The following RALGAPA1 variants were observed in gnomAD, a reference collection of about 807,000 sequenced individuals.
RALGAPA1 encodes the protein ral GTPase-activating protein subunit alpha-1.
RALGAPA1 carries 52 observed loss-of-function variants against 269.6 expected under a neutral mutation model. That is an observed-to-expected ratio of 0.19 (90% CI 0.15 to 0.24). RALGAPA1 has a LOEUF of 0.24. Ranked by LOEUF, RALGAPA1 falls within the 10% of genes least tolerant of loss-of-function variation. The pLI is 1.00. For synonymous variants in RALGAPA1, 817 were observed against 1,008.3 expected (o/e 0.81, Z 3.60); for missense variants, 1,917 against 3,013.9 (o/e 0.64, Z 8.52).
chr14:35,793,398 C>T (rs1035657599), intron 1 of RALGAPA1, among the ~76,000 whole-genome samples: 4 of 151,916 alleles, frequency 2.6e-5, no homozygotes, highest in African/African-American at 2.4e-5. Flanking sequence ...CCACCATGCC[C>T]GACTAATTTT....
intron 33 of RALGAPA1, among the ~76,000 whole-genome samples, chr14:35,633,546 GT>G (rs2061488239): frequency 6.6e-6 from 1 of 151,940 alleles, no homozygotes; most frequent in Admixed American, 6.6e-5. Context: ...AATACTTTTG[GT>G]TTTGTGAGCC....
chr14:35,787,590 C>G (rs532203911), intron 1 of RALGAPA1, among the ~76,000 whole-genome samples: 36 of 152,112 alleles, frequency 2.4e-4, no homozygotes, highest in African/African-American at 8.7e-4. Context: ...CCTTTGTTTT[C>G]TAACACATAG....
intron 21 of RALGAPA1, among the ~76,000 whole-genome samples, chr14:35,679,002 A>C (rs1241970013): frequency 2.0e-5 from 3 of 152,196 alleles, no homozygotes; most frequent in Non-Finnish European, 4.4e-5. Flanking sequence ...AATTTTAAAT[A>C]TTCCCCAGCA....
At chr14:35,576,707 T>C (rs1443585147) in intron 37 of RALGAPA1, among the ~76,000 whole-genome samples, 1 of 152,200 alleles carries the variant, frequency 6.6e-6, no homozygotes, top group Non-Finnish European at 1.5e-5. Context: ...GAAGTAGTAA[T>C]AATTATTATT....
At chr14:35,720,244 C>T (rs1216881627) in intron 16 of RALGAPA1, among the ~76,000 whole-genome samples, 2 of 152,210 alleles carry the variant, frequency 1.3e-5, no homozygotes, top group Admixed American at 6.5e-5. Flanking sequence ...TTGGAATATA[C>T]AATTAATGTA....
chr14:35,709,361 C>T (rs558740241), intron 16 of RALGAPA1, among the ~76,000 whole-genome samples: 3 of 151,972 alleles, frequency 2.0e-5, no homozygotes, highest in African/African-American at 7.2e-5. Context: ...CTACTATATA[C>T]CCACAAAAAT....
intron 37 of RALGAPA1, among the ~76,000 whole-genome samples, chr14:35,582,387 A>G (rs1243923644): frequency 6.6e-6 from 1 of 152,264 alleles, no homozygotes; most frequent in Non-Finnish European, 1.5e-5. Flanking sequence ...AACAACAAAT[A>G]AAATGCCGAA....
At chr14:35,698,715 CAACA>C (rs1207264591) in intron 17 of RALGAPA1, among the ~76,000 whole-genome samples, 1 of 152,060 alleles carries the variant, frequency 6.6e-6, no homozygotes, top group East Asian at 1.9e-4. Flanking sequence ...GAGAAGTTTA[CAACA>C]AACTCAGAGT....
intron 33 of RALGAPA1, among the ~76,000 whole-genome samples, chr14:35,634,171 G>A (rs1194553776): frequency 1.3e-5 from 2 of 152,014 alleles, no homozygotes; most frequent in Non-Finnish European, 2.9e-5. Context: ...TCCCTAATCT[G>A]AAAATCTGAA....
intron 26 of RALGAPA1, 51 bp from the exon 27 acceptor site, chr14:35,664,818 TATC>T: frequency 6.4e-7 from 1 of 1,564,816 alleles, no homozygotes; most frequent in Non-Finnish European, 8.7e-7. Flanking sequence ...GTTATGAAAT[TATC>T]AGAAAAGTTG....
At chr14:35,686,788 G>A in intron 18 of RALGAPA1, 122 bp from the exon 19 acceptor site, 3 of 484,684 alleles carry the variant, frequency 6.2e-6, no homozygotes, top group Non-Finnish European at 1.1e-5. Context: ...ATGCATTTAT[G>A]AATAATTTCC....
intron 1 of RALGAPA1, among the ~76,000 whole-genome samples, chr14:35,797,471 C>A (rs187656454): frequency 2.0e-5 from 3 of 151,634 alleles, no homozygotes; most frequent in Non-Finnish European, 4.4e-5. Context: ...TATAAACATA[C>A]AGCTAGTTAG....
intron 39 of RALGAPA1, among the ~76,000 whole-genome samples, chr14:35,557,935 A>C (rs952065063): frequency 5.3e-5 from 8 of 152,158 alleles, no homozygotes; most frequent in African/African-American, 1.9e-4. Flanking sequence ...AGAATCATCT[A>C]TGGGGTCAGA....
intron 15 of RALGAPA1, among the ~76,000 whole-genome samples, chr14:35,722,135 A>AG (rs1400867624): frequency 6.6e-6 from 1 of 152,216 alleles, no homozygotes; most frequent in Non-Finnish European, 1.5e-5. Context: ...ACAAGAAAAA[A>AG]AAGACAGGAA....
At chr14:35,718,514 A>T (rs1351342943) in intron 16 of RALGAPA1, among the ~76,000 whole-genome samples, 3 of 152,158 alleles carry the variant, frequency 2.0e-5, no homozygotes, top group Admixed American at 2.0e-4. Flanking sequence ...TTAACCATGT[A>T]CGTTCATGAA....
chr14:35,584,490 C>T (rs1275202904), intron 37 of RALGAPA1, among the ~76,000 whole-genome samples: 1 of 152,146 alleles, frequency 6.6e-6, no homozygotes, highest in Non-Finnish European at 1.5e-5. Context: ...GTCTTGAACT[C>T]CTGGGCTCAA....
intron 36 of RALGAPA1, among the ~76,000 whole-genome samples, chr14:35,598,130 T>C (rs2059032678): frequency 6.6e-6 from 1 of 152,196 alleles, no homozygotes; most frequent in Non-Finnish European, 1.5e-5. Flanking sequence ...CCAACCATAA[T>C]TGTGAATTTC....
chr14:35,795,155 A>G (rs2076470979), intron 1 of RALGAPA1, among the ~76,000 whole-genome samples: 1 of 152,138 alleles, frequency 6.6e-6, no homozygotes, highest in South Asian at 2.1e-4. Flanking sequence ...GCAAACAAAC[A>G]AGGTGTGTCC....
At chr14:35,792,014 T>C (rs191704562) in intron 1 of RALGAPA1, among the ~76,000 whole-genome samples, 5 of 152,096 alleles carry the variant, frequency 3.3e-5, no homozygotes, top group East Asian at 1.9e-4. Context: ...TTTGTTTTTT[T>C]ATATAATTCA....
Sources: gnomAD v4.1 joint callset for allele counts (sites outside exome capture counted in the v4.1 genomes callset) on GRCh38, gnomAD v4.1.1 for gene constraint, MANE v1.5 for transcripts, NCBI Gene and HGNC (gene_info 2026-07-23, HGNC 2026-07-21) for gene names.